The following ARB2A variants were observed in gnomAD, a reference collection of about 807,000 sequenced individuals.
The protein encoded by ARB2A is cotranscriptional regulator ARB2A.
At chr5:93,811,358 T>A in the ARB2A span, among the ~76,000 whole-genome samples, 4 of 152,168 alleles carry the variant, frequency 2.6e-5, no homozygotes, top group South Asian at 8.3e-4. Context: ...TAATTTTACA[T>A]TTTCCACACC....
the ARB2A span, among the ~76,000 whole-genome samples, chr5:93,694,012 T>TA: frequency 1.3e-5 from 2 of 152,058 alleles, no homozygotes; most frequent in Non-Finnish European, 2.9e-5. Context: ...CTAAAAACTC[T>TA]AAAAAAATTA....
At chr5:93,986,071 G>A in the ARB2A span, among the ~76,000 whole-genome samples, 17 of 138,938 alleles carry the variant, frequency 1.2e-4, no homozygotes, top group South Asian at 2.4e-3. Flanking sequence ...CTGCCCGGCC[G>A]CCCCGTCTGG....
At chr5:93,688,699 A>G in the ARB2A span, among the ~76,000 whole-genome samples, 1 of 152,150 alleles carries the variant, frequency 6.6e-6, no homozygotes. Context: ...AGCATGCCAA[A>G]ACTGAACTCA....
At chr5:93,857,269 T>C in the ARB2A span, among the ~76,000 whole-genome samples, 2 of 152,164 alleles carry the variant, frequency 1.3e-5, no homozygotes, top group Admixed American at 1.3e-4. Flanking sequence ...CTGCCCATTC[T>C]CAGATCTCAA....
At chr5:93,647,362 G>A in the ARB2A span, among the ~76,000 whole-genome samples, 3 of 152,162 alleles carry the variant, frequency 2.0e-5, no homozygotes, top group African/African-American at 4.8e-5. Context: ...GAGTAGCTGA[G>A]ATTACAGGCA....
At chr5:94,003,757 A>T in the ARB2A span, among the ~76,000 whole-genome samples, 1 of 152,172 alleles carries the variant, frequency 6.6e-6, no homozygotes, top group Non-Finnish European at 1.5e-5. Flanking sequence ...AGCTCTAACA[A>T]AATAAACATG....
the ARB2A span, among the ~76,000 whole-genome samples, chr5:93,630,984 C>A: frequency 6.6e-6 from 1 of 152,034 alleles, no homozygotes; most frequent in African/African-American, 2.4e-5. Context: ...CCTTGACCTC[C>A]GAGGTCCAAG....
chr5:93,691,133 C>T, the ARB2A span, among the ~76,000 whole-genome samples: 2 of 152,060 alleles, frequency 1.3e-5, no homozygotes, highest in Admixed American at 6.6e-5. Context: ...CAAATGATCA[C>T]AACTCCTGGC....
the ARB2A span, among the ~76,000 whole-genome samples, chr5:94,057,717 C>A: frequency 2.2e-4 from 34 of 152,180 alleles, no homozygotes; most frequent in Non-Finnish European, 3.7e-4. Context: ...AGCAAGAAGA[C>A]ACATGTAAAA....
chr5:93,881,104 G>A, the ARB2A span, among the ~76,000 whole-genome samples: 1 of 151,586 alleles, frequency 6.6e-6, no homozygotes, highest in Admixed American at 6.6e-5. Context: ...CAACATAACG[G>A]CATGTTATGC....
the ARB2A span, among the ~76,000 whole-genome samples, chr5:93,690,788 C>T: frequency 6.6e-6 from 1 of 152,136 alleles, no homozygotes; most frequent in African/African-American, 2.4e-5. Flanking sequence ...TTGATAGACA[C>T]CTCATACAGG....
chr5:93,941,569 TTCTTTC>T, the ARB2A span, among the ~76,000 whole-genome samples: 7 of 152,196 alleles, frequency 4.6e-5, no homozygotes, highest in African/African-American at 1.7e-4. Context: ...CCTACACCCT[TTCTTTC>T]TCTTTCTAAG....
At chr5:93,951,800 A>C in the ARB2A span, among the ~76,000 whole-genome samples, 1 of 152,196 alleles carries the variant, frequency 6.6e-6, no homozygotes, top group Non-Finnish European at 1.5e-5. Flanking sequence ...TGCCTGCATC[A>C]AAATATCTCA....
the ARB2A span, among the ~76,000 whole-genome samples, chr5:93,808,163 C>G: frequency 1.3e-5 from 2 of 151,958 alleles, no homozygotes; most frequent in African/African-American, 4.8e-5. Context: ...TGATGAATAT[C>G]TCATACTGCC....
chr5:93,729,139 G>A, the ARB2A span, among the ~76,000 whole-genome samples: 3 of 151,736 alleles, frequency 2.0e-5, no homozygotes, highest in African/African-American at 4.8e-5. Context: ...TCCTCACCTC[G>A]CTCCACTCCT....
the ARB2A span, among the ~76,000 whole-genome samples, chr5:93,703,299 C>G: frequency 6.6e-6 from 1 of 152,148 alleles, no homozygotes; most frequent in Non-Finnish European, 1.5e-5. Flanking sequence ...GTGTGGTTTG[C>G]AACTATCAGA....
At chr5:93,992,254 C>A in the ARB2A span, among the ~76,000 whole-genome samples, 2 of 151,886 alleles carry the variant, frequency 1.3e-5, no homozygotes, top group African/African-American at 4.8e-5. Context: ...ACTGGTATGA[C>A]AAATATTACA....
At chr5:93,729,582 A>G in the ARB2A span, among the ~76,000 whole-genome samples, 2 of 152,132 alleles carry the variant, frequency 1.3e-5, no homozygotes, top group African/African-American at 4.8e-5. Context: ...TTCAAATAAT[A>G]TACTTAAAAT....
chr5:93,978,757 G>GTA, the ARB2A span, among the ~76,000 whole-genome samples: 1 of 151,966 alleles, frequency 6.6e-6, no homozygotes, highest in Admixed American at 6.6e-5. Context: ...ACCTGCACAT[G>GTA]TACCCACTGA....
Sources: allele counts gnomAD v4.1 joint callset (sites outside exome capture counted in the v4.1 genomes callset), GRCh38; gene constraint gnomAD v4.1.1; transcripts MANE v1.5; gene names NCBI Gene and HGNC (gene_info 2026-07-23, HGNC 2026-07-21).